The following LRRC28 variants were observed in gnomAD, a reference collection of about 807,000 sequenced individuals.
LRRC28 encodes the protein leucine rich repeat containing 28.
A neutral mutation model predicts 45.7 loss-of-function variants in LRRC28; 39 were observed. That is an observed-to-expected ratio of 0.85 (90% CI 0.66 to 1.12). The LOEUF (loss-of-function observed/expected upper bound fraction) is 1.12, where lower values mean the gene tolerates loss of function less well. Ranked by LOEUF, LRRC28 falls within the 50% of genes most tolerant of loss-of-function variation. The probability of loss-of-function intolerance (pLI) is 0.00; values close to 1 mark genes in which losing one functional copy is unlikely to be tolerated. For missense variants in LRRC28, 435 were observed against 438.5 expected (o/e 0.99, Z 0.07); for synonymous variants, 206 against 178.8 (o/e 1.15, Z -1.22).
chr15:99,296,037 T>C (rs976109551), intron 5 of LRRC28, among the ~76,000 whole-genome samples: 6 of 152,340 alleles, frequency 3.9e-5, no homozygotes, highest in Non-Finnish European at 8.8e-5. Context: ...ATCAGCCTTT[T>C]TCCTACAGAG....
chr15:99,251,724 G>C (rs1330615065), intron 1 of LRRC28, 183 bp downstream of exon 1: 1 of 152,222 alleles, frequency 6.6e-6, no homozygotes, highest in African/African-American at 2.4e-5. Flanking sequence ...TCTGCGGCCC[G>C]CGGCCCCTGG....
chr15:99,360,199 C>A (rs145321936), intron 7 of LRRC28, among the ~76,000 whole-genome samples: 2 of 152,128 alleles, frequency 1.3e-5, no homozygotes, highest in African/African-American at 4.8e-5. Context: ...GAAACCAAGA[C>A]GTAGCCATAT....
At chr15:99,256,368 T>C (rs567657458) in intron 2 of LRRC28, 21 of 315,634 alleles carry the variant, frequency 6.7e-5, no homozygotes, top group African/African-American at 3.4e-4. Flanking sequence ...GTATGACTTA[T>C]AAAGTTAGTA....
At chr15:99,341,694 C>T in intron 6 of LRRC28, among the ~76,000 whole-genome samples, 1 of 152,122 alleles carries the variant, frequency 6.6e-6, no homozygotes, top group East Asian at 1.9e-4. Flanking sequence ...AAGAAATGTT[C>T]ATTCTTAGGG....
At chr15:99,278,055 A>G (rs1400436704) in intron 3 of LRRC28, among the ~76,000 whole-genome samples, 2 of 152,122 alleles carry the variant, frequency 1.3e-5, no homozygotes, top group African/African-American at 4.8e-5. Context: ...TATTGTTTCA[A>G]TTAGTTTTCA....
chr15:99,253,833 G>T (rs2080937729), intron 1 of LRRC28, among the ~76,000 whole-genome samples: 1 of 152,176 alleles, frequency 6.6e-6, no homozygotes, highest in African/African-American at 2.4e-5. Flanking sequence ...GATTTGGATG[G>T]ATTTGAGATG....
intron 9 of LRRC28, among the ~76,000 whole-genome samples, chr15:99,367,149 T>C (rs143247245): frequency 1.5e-3 from 228 of 152,292 alleles, no homozygotes; most frequent in African/African-American, 5.4e-3. Flanking sequence ...AAGTTGTAGA[T>C]TGTCACCTGT....
intron 3 of LRRC28, among the ~76,000 whole-genome samples, chr15:99,282,684 A>G (rs1272791594): frequency 6.6e-6 from 1 of 152,210 alleles, no homozygotes; most frequent in Non-Finnish European, 1.5e-5. Context: ...GGTAGGCTAT[A>G]CCATCTAGGT....
chr15:99,386,310 T>A lies in LRRC28; in HGVS notation c.*208T>A, dbSNP rs540793475. On this transcript the variant is annotated 3_prime_UTR_variant, in exon 10 of 10. Transcript: ENST00000301981. ...CCAAATTAAGGACCCATTTGTCTTCTGTGTTTTTCCTTTTTATGTGAGTGT... is the reference window on the plus strand; with the variant it reads ...CCAAATTAAGGACCCATTTGTCTTCAGTGTTTTTCCTTTTTATGTGAGTGT... 2.0e-6 allele frequency: 1 copy of A among 507,142 alleles called. No individual in the cohort carries two copies. The highest frequency in any genetic ancestry group is 3.5e-6 in the Non-Finnish European group (1 of 285,470). 31.4% of individuals were successfully genotyped at this position (507,142 alleles called of 1,614,324 possible).
At chr15:99,367,026 G>A (rs1255899878) in intron 9 of LRRC28, among the ~76,000 whole-genome samples, 1 of 152,100 alleles carries the variant, frequency 6.6e-6, no homozygotes, top group Admixed American at 6.5e-5. Context: ...ACACTAGCTG[G>A]GTGTCCTGTA....
At chr15:99,290,191 G>C (rs979033097) in intron 5 of LRRC28, among the ~76,000 whole-genome samples, 1 of 151,336 alleles carries the variant, frequency 6.6e-6, no homozygotes, top group Non-Finnish European at 1.5e-5. Flanking sequence ...CCTGGGAGGC[G>C]GAGGTTGCAG....
chr15:99,314,919 A>C (rs999069456), intron 5 of LRRC28, among the ~76,000 whole-genome samples: 3 of 152,226 alleles, frequency 2.0e-5, no homozygotes, highest in African/African-American at 7.2e-5. Flanking sequence ...TCATATAGCT[A>C]AAGACAAATG....
intron 3 of LRRC28, among the ~76,000 whole-genome samples, chr15:99,280,471 G>T (rs1437749280): frequency 1.0e-5 from 1 of 98,542 alleles, no homozygotes; most frequent in Non-Finnish European, 1.9e-5. Context: ...ATTTTTTTCT[G>T]GGATTAGAAT....
chr15:99,277,881 AG>A (rs1292054794), intron 3 of LRRC28, among the ~76,000 whole-genome samples: 1 of 152,158 alleles, frequency 6.6e-6, no homozygotes, highest in African/African-American at 2.4e-5. Flanking sequence ...TCTTTAAAAT[AG>A]GTTTTGAAGA....
At chr15:99,274,608 C>T (rs1287014440) in intron 2 of LRRC28, among the ~76,000 whole-genome samples, 2 of 151,574 alleles carry the variant, frequency 1.3e-5, no homozygotes, top group African/African-American at 4.9e-5. Context: ...TTATAAAAGA[C>T]ACATGCTTAT....
chr15:99,255,944 G>A lies in LRRC28; in HGVS notation c.-14G>A, dbSNP rs752161994. The A allele has an allele frequency of 1.9e-6, 3 of 1,609,928 alleles. No individual in the cohort carries two copies. Among genetic ancestry groups the A allele is most frequent in the Non-Finnish European group, 1.7e-6 (2 of 1,179,026 alleles). On this transcript the variant is annotated 5_prime_UTR_variant, in exon 2 of 10. Transcript: ENST00000301981. ...ATATAGTGCTGCAGCGTGCCTGATGGGATATATTCAGTCATGGCGTCCGAA... is the reference window on the plus strand; with the variant it reads ...ATATAGTGCTGCAGCGTGCCTGATGAGATATATTCAGTCATGGCGTCCGAA...
intron 5 of LRRC28, among the ~76,000 whole-genome samples, chr15:99,322,370 G>A (rs1955828759): frequency 1.3e-5 from 2 of 152,114 alleles, no homozygotes; most frequent in Admixed American, 6.5e-5. Flanking sequence ...TTGTTGGTTG[G>A]GTTCAGGCAA....
chr15:99,279,349 A>G (rs142452542), intron 3 of LRRC28, among the ~76,000 whole-genome samples: 117 of 152,272 alleles, frequency 7.7e-4, no homozygotes, highest in Non-Finnish European at 1.1e-3. Context: ...TTTTCCTTTT[A>G]CAGTTTGTGG....
intron 5 of LRRC28, among the ~76,000 whole-genome samples, chr15:99,294,811 C>T (rs1032474622): frequency 2.0e-5 from 3 of 152,174 alleles, no homozygotes; most frequent in African/African-American, 4.8e-5. Flanking sequence ...ATCATAGCAC[C>T]GTCTTGACCT....
Sources: gnomAD v4.1 joint callset for allele counts (sites outside exome capture counted in the v4.1 genomes callset) on GRCh38, gnomAD v4.1.1 for gene constraint, MANE v1.5 for transcripts, NCBI Gene and HGNC (gene_info 2026-07-23, HGNC 2026-07-21) for gene names.